DOCK3: variants seen among roughly 807,000 people sequenced by gnomAD.
DOCK3 encodes the protein dedicator of cytokinesis protein 3.
Under a neutral mutation model 265.6 loss-of-function variants are expected in DOCK3, and 60 were observed. The observed-to-expected ratio is 0.23, with a 90% CI of 0.18 to 0.28. The LOEUF (loss-of-function observed/expected upper bound fraction) is 0.28, where lower values mean the gene tolerates loss of function less well. Among genes scored for constraint, DOCK3 ranks in the 10% least tolerant of loss-of-function variants. The pLI is 1.00. For synonymous variants in DOCK3, 881 were observed against 938.0 expected, an observed-to-expected ratio of 0.94 and a Z score of 1.11; for missense variants, 1,981 against 2,594.3, an observed-to-expected ratio of 0.76 and a Z score of 5.14.
intron 5 of DOCK3, among the ~76,000 whole-genome samples, chr3:51,057,241 T>C (rs916263008): frequency 6.6e-6 from 1 of 152,188 alleles, no homozygotes; most frequent in African/African-American, 2.4e-5. Context: ...TGAGGCAAAT[T>C]GTACTTGGCA....
At chr3:50,888,863 A>G (rs2107717674) in intron 3 of DOCK3, among the ~76,000 whole-genome samples, 1 of 152,274 alleles carries the variant, frequency 6.6e-6, no homozygotes, top group South Asian at 2.1e-4. Flanking sequence ...AATTAATTCA[A>G]GATGGATTAA....
rs569576344 is a variant in DOCK3 at position 51,311,781 on chromosome 3, T to C, written c.3018-223T>C. Among the ~76,000 whole-genome samples, 6 of 152,356 alleles carry C rather than the reference T, an allele frequency of 3.9e-5. No homozygotes were observed. The South Asian group carries it at 1.2e-3, about 32-fold the overall frequency. On this transcript the variant is annotated intron_variant, in intron 28 of 52. Transcript: ENST00000266037. ...CTAGGTCTAGAACCCACTGATGTCCTGTGCTGTCCTGCCAACTGTGGGGCA... is the reference window on the plus strand; with the variant it reads ...CTAGGTCTAGAACCCACTGATGTCCCGTGCTGTCCTGCCAACTGTGGGGCA...
chr3:50,825,949 G>T (rs1239674658), intron 2 of DOCK3, among the ~76,000 whole-genome samples: 1 of 88,498 alleles, frequency 1.1e-5, no homozygotes, highest in Non-Finnish European at 2.6e-5. Flanking sequence ...AAGGGTTGTG[G>T]TTCTTCATGT....
At chr3:50,933,286 A>G (rs1197094671) in intron 4 of DOCK3, among the ~76,000 whole-genome samples, 1 of 152,208 alleles carries the variant, frequency 6.6e-6, no homozygotes, top group African/African-American at 2.4e-5. Flanking sequence ...TTCCCTATTC[A>G]GACCAAGAGC....
At chr3:50,810,402 T>G (rs1177347520) in intron 2 of DOCK3, among the ~76,000 whole-genome samples, 1 of 151,984 alleles carries the variant, frequency 6.6e-6, no homozygotes, top group East Asian at 1.9e-4. Context: ...AACACAAAAA[T>G]TAGCTGGGCG....
chr3:51,020,280 A>G (rs998327720), intron 5 of DOCK3, among the ~76,000 whole-genome samples: 34 of 151,088 alleles, frequency 2.3e-4, no homozygotes, highest in African/African-American at 8.1e-4. Context: ...TTTGAGAAGT[A>G]TCTGTTCACG....
intron 4 of DOCK3, among the ~76,000 whole-genome samples, chr3:50,919,006 AT>A (rs1428068782): frequency 6.6e-6 from 1 of 152,198 alleles, no homozygotes; most frequent in Non-Finnish European, 1.5e-5. Context: ...AGCACCATTT[AT>A]TAAATAGGGA....
chr3:51,085,934 A>G (rs76326697), intron 7 of DOCK3, among the ~76,000 whole-genome samples: 136 of 152,328 alleles, frequency 8.9e-4, no homozygotes, highest in Admixed American at 1.8e-3. Flanking sequence ...GAGAAAAAAG[A>G]AGGTCCATGC....
chr3:50,878,851 G>C (rs2047863823), intron 3 of DOCK3, among the ~76,000 whole-genome samples: 1 of 152,066 alleles, frequency 6.6e-6, no homozygotes, highest in Non-Finnish European at 1.5e-5. Flanking sequence ...TTGAAATGAA[G>C]GAAAAAATAT....
At chr3:50,813,492 C>T (rs776685435) in intron 2 of DOCK3, among the ~76,000 whole-genome samples, 16 of 151,842 alleles carry the variant, frequency 1.1e-4, no homozygotes, top group Non-Finnish European at 2.2e-4. Flanking sequence ...TCATCACTGC[C>T]TCCAGCCTGG....
chr3:50,822,886 G>C (rs1292943975), intron 2 of DOCK3, among the ~76,000 whole-genome samples: 3 of 152,134 alleles, frequency 2.0e-5, no homozygotes, highest in Non-Finnish European at 4.4e-5. Flanking sequence ...ATTTTAATGA[G>C]ATTATATGGA....
At chr3:50,952,871 G>A (rs1168102671) in intron 5 of DOCK3, among the ~76,000 whole-genome samples, 2 of 152,160 alleles carry the variant, frequency 1.3e-5, no homozygotes, top group African/African-American at 4.8e-5. Flanking sequence ...TTGGGTTATT[G>A]TGAAGATAAA....
At position 51,381,453 on chromosome 3, in the gene DOCK3, A is replaced by C; in HGVS notation, c.5987A>C (p.Glu1996Ala). Residue 1996 changes from glutamate (E) to alanine (A), a missense_variant, in exon 53 of 53, where the codon GAG becomes GCG. This residue lies in a region of DOCK3 where 149 missense variants were observed against 144.7 expected (regional missense o/e 1.03). Coordinates refer to ENST00000266037, the MANE Select transcript of DOCK3 (RefSeq NM_004947.5). The surrounding 1 kb of genome is among the most constrained non-coding windows in gnomAD (Gnocchi z 5.6). Reference sequence around the variant, plus strand: ...GATGAGGGGGTGCTGCTGCGTGAAGAGACTGAGAGGCCTCGAGGCCTGCAC... The same window carrying C: ...GATGAGGGGGTGCTGCTGCGTGAAGCGACTGAGAGGCCTCGAGGCCTGCAC... ...EHDEGVLLREETERPRGLHRK... is the reference protein window; with the variant it reads ...EHDEGVLLREATERPRGLHRK... The C allele has an allele frequency of 6.2e-7, 1 of 1,606,200 alleles. No individual in the cohort carries two copies. Among genetic ancestry groups the C allele is most frequent in the Non-Finnish European group, 8.5e-7 (1 of 1,176,930 alleles).
intron 4 of DOCK3, among the ~76,000 whole-genome samples, chr3:50,919,537 A>C (rs2050318844): frequency 6.6e-6 from 1 of 152,146 alleles, no homozygotes; most frequent in Non-Finnish European, 1.5e-5. Flanking sequence ...GAGTTCACTC[A>C]TGATTTGGCT....
intron 2 of DOCK3, among the ~76,000 whole-genome samples, chr3:50,820,636 C>G (rs766312929): frequency 6.6e-6 from 1 of 152,076 alleles, no homozygotes; most frequent in Non-Finnish European, 1.5e-5. Flanking sequence ...GATAAACATG[C>G]AAGTACGTGT....
intron 5 of DOCK3, among the ~76,000 whole-genome samples, chr3:51,050,160 G>T (rs2080938806): frequency 6.6e-6 from 1 of 152,104 alleles, no homozygotes; most frequent in Non-Finnish European, 1.5e-5. Flanking sequence ...GAGATGGGAG[G>T]ATTGCTTGAG....
At chr3:50,975,590 G>A (rs2077415746) in intron 5 of DOCK3, among the ~76,000 whole-genome samples, 1 of 150,226 alleles carries the variant, frequency 6.7e-6, no homozygotes, top group African/African-American at 2.4e-5. Flanking sequence ...AAGGATATTG[G>A]CCTAAAATTC....
intron 2 of DOCK3, among the ~76,000 whole-genome samples, chr3:50,822,672 T>A (rs1437625222): frequency 8.0e-6 from 1 of 125,034 alleles, no homozygotes; most frequent in African/African-American, 2.7e-5. Flanking sequence ...AATTTTTAAA[T>A]TTTTTTCATA....
intron 5 of DOCK3, among the ~76,000 whole-genome samples, chr3:50,984,932 G>A (rs1401963501): frequency 6.6e-6 from 1 of 152,212 alleles, no homozygotes; most frequent in East Asian, 1.9e-4. Flanking sequence ...AGTAAGTTGT[G>A]TGCAAATACT....
Sources: allele counts gnomAD v4.1 joint callset (sites outside exome capture counted in the v4.1 genomes callset), GRCh38; gene constraint gnomAD v4.1.1; regional missense constraint gnomAD v4.1.1; non-coding constraint Gnocchi (gnomAD v3.1); transcripts MANE v1.5; gene names NCBI Gene and HGNC (gene_info 2026-07-23, HGNC 2026-07-21).